TGM5: variants seen among roughly 807,000 people sequenced by gnomAD.
The protein encoded by TGM5 is protein-glutamine gamma-glutamyltransferase 5.
TGM5 carries 69 observed loss-of-function variants against 77.2 expected under a neutral mutation model. That is an observed-to-expected ratio of 0.89 (90% CI 0.74 to 1.09). The LOEUF (loss-of-function observed/expected upper bound fraction) is 1.09. TGM5 is among the 50% of genes least tolerant of loss of function. The probability of loss-of-function intolerance (pLI) is 0.00; values close to 1 mark genes in which losing one functional copy is unlikely to be tolerated. For missense variants in TGM5, 842 were observed against 896.5 expected (o/e 0.94, Z 0.78); for synonymous variants, 346 against 351.8 (o/e 0.98, Z 0.18).
intron 6 of TGM5, among the ~76,000 whole-genome samples, chr15:43,247,281 A>G (rs2042675480): frequency 6.6e-6 from 1 of 152,202 alleles, no homozygotes; most frequent in East Asian, 1.9e-4. Context: ...TCAACAGCAT[A>G]ACACAATAAA....
intron 3 of TGM5, among the ~76,000 whole-genome samples, chr15:43,258,675 G>T (rs1277237197): frequency 6.6e-6 from 1 of 152,220 alleles, no homozygotes; most frequent in East Asian, 1.9e-4. Context: ...GCCAGCAGTG[G>T]CCTGAGCTAC....
chr15:43,259,563 CTT>C, intron 3 of TGM5, among the ~76,000 whole-genome samples: 1 of 151,916 alleles, frequency 6.6e-6, no homozygotes, highest in African/African-American at 2.4e-5. Flanking sequence ...GCATAGAACA[CTT>C]TTGTAAAACT....
chr15:43,246,872 T>G (rs2042672837), intron 6 of TGM5, among the ~76,000 whole-genome samples: 1 of 152,134 alleles, frequency 6.6e-6, no homozygotes, highest in African/African-American at 2.4e-5. Flanking sequence ...AGGCATGACT[T>G]AGTAGTGGGG....
intron 1 of TGM5, 65 bp from the exon 2 acceptor site, chr15:43,260,644 T>C (rs1343429245): frequency 6.4e-7 from 1 of 1,568,112 alleles, no homozygotes; most frequent in Non-Finnish European, 8.8e-7. Context: ...GTCCACCACT[T>C]ACTAGTTCTG....
At chr15:43,249,772 G>C (rs775381306) in intron 6 of TGM5, among the ~76,000 whole-genome samples, 2 of 152,226 alleles carry the variant, frequency 1.3e-5, no homozygotes, top group Non-Finnish European at 2.9e-5. Flanking sequence ...TCAAGTAACA[G>C]GCAACTAAAT....
rs142968908 is a variant in TGM5 at position 43,253,626 on chromosome 15, G to A, written c.564C>T (p.Asp188=). ...GCTTCAGGCAGATGTCTATGATTTT[G>A]TCTTCAAACTTCGGGGGGAGAGGCA... The part of the protein sequence containing the change: ...PCPWNYGQFE[D]KIIDICLKLL... Residue 188 remains aspartate, a synonymous_variant, in exon 5 of 13, where the codon GAC becomes GAT. Coordinates refer to ENST00000220420, the MANE Select transcript of TGM5 (RefSeq NM_201631.4). 43 of 1,613,136 alleles carry A rather than the reference G, an allele frequency of 2.7e-5. No homozygotes were observed. The highest frequency in any genetic ancestry group is 1.0e-4 in the Admixed American group (6 of 60,012).
Position 43,256,553 on chromosome 15 carries a change from A to T in TGM5, c.555+15T>A. On this transcript the variant is annotated intron_variant, in intron 4 of 12. Transcript: ENST00000220420. ...CTCGGGGCCGGGATGGGCCATAAGC[A>T]GGGCTGAGACTCACCTGTCCATAGT... The T allele has an allele frequency of 2.3e-5, 37 of 1,603,126 alleles. No individual in the cohort carries two copies. Among genetic ancestry groups the T allele is most frequent in the Non-Finnish European group, 3.1e-5 (36 of 1,170,028 alleles).
rs539717880 is a variant in TGM5 at position 43,238,770 on chromosome 15, G to T, written c.1345+47C>A. ...CTCTGGCTCCCTGGGGTAGGGGAAGGTTCCTGCAGGGCTGGGGCTCTGAGT... is the reference window on the plus strand; with the variant it reads ...CTCTGGCTCCCTGGGGTAGGGGAAGTTTCCTGCAGGGCTGGGGCTCTGAGT... On this transcript the variant is annotated intron_variant, in intron 9 of 12. Transcript: ENST00000220420. The T allele has an allele frequency of 3.1e-6, 5 of 1,607,912 alleles. No homozygotes were observed. The Admixed American group carries it at 5.1e-5, about 16-fold the overall frequency.
At chr15:43,264,084 G>C (rs534240145) in intron 1 of TGM5, among the ~76,000 whole-genome samples, 18 of 152,138 alleles carry the variant, frequency 1.2e-4, no homozygotes, top group Non-Finnish European at 1.9e-4. Flanking sequence ...ATTAGTCCTA[G>C]GGAAACACAA....
At chr15:43,254,727 G>T (rs746599774) in intron 4 of TGM5, among the ~76,000 whole-genome samples, 7 of 152,064 alleles carry the variant, frequency 4.6e-5, no homozygotes, top group Non-Finnish European at 8.8e-5. Flanking sequence ...TCGTGTCTTT[G>T]CTCACACCTT....
In TGM5 at chr15:43,232,855, G is replaced by C. The variant is rs1412237266; in HGVS notation, c.*336C>G. ...AGAGTCCAGGGGAGCTGTGCAAATG[G>C]TCCAGGGAAATATCCATCCATAGAC... On this transcript the variant is annotated 3_prime_UTR_variant, in exon 13 of 13. Coordinates refer to ENST00000220420, the MANE Select transcript of TGM5 (RefSeq NM_201631.4). 1 of 342,308 alleles carries C rather than the reference G, an allele frequency of 2.9e-6. No individual in the cohort carries two copies. The highest frequency in any genetic ancestry group is 2.6e-5 in the South Asian group (1 of 39,052). 21.2% of individuals were successfully genotyped at this position (342,308 alleles called of 1,614,324 possible).
intron 1 of TGM5, among the ~76,000 whole-genome samples, chr15:43,261,094 T>G (rs1409029374): frequency 3.1e-5 from 4 of 131,002 alleles, no homozygotes; most frequent in Admixed American, 7.7e-5. Flanking sequence ...TTTTTTTTTT[T>G]TTTTTTTTTT....
Position 43,252,769 on chromosome 15 carries a change from G to A in TGM5, c.852C>T (p.Val284=), listed in dbSNP as rs1190273521. Residue 284 remains valine, a synonymous_variant, in exon 6 of 13, where the codon GTC becomes GTT. Coordinates refer to ENST00000220420, the MANE Select transcript of TGM5 (RefSeq NM_201631.4). ...CTTTCTACCTCCTACCTGTGCACAT[G>A]ACGGCAGCAAAGACCCAGCATTGCC... is the stretch of plus-strand genomic sequence containing the variant. ...RYGQCWVFAA[V]MCTVMRCLGI... is the part of the protein sequence containing the mutation. 1 of 1,613,928 alleles carries A rather than the reference G, an allele frequency of 6.2e-7. No individual in the cohort carries two copies. Among genetic ancestry groups the A allele is most frequent in the Non-Finnish European group, 8.5e-7 (1 of 1,180,034 alleles).
chr15:43,237,252 T>C (rs2042596965), intron 9 of TGM5, among the ~76,000 whole-genome samples: 1 of 152,200 alleles, frequency 6.6e-6, no homozygotes. Flanking sequence ...ACTTTTCAAA[T>C]TGCAGCCCCT....
At chr15:43,249,902 C>T (rs898755243) in intron 6 of TGM5, among the ~76,000 whole-genome samples, 14 of 152,290 alleles carry the variant, frequency 9.2e-5, no homozygotes, top group African/African-American at 3.1e-4. Context: ...GAGGCAGGGC[C>T]GTAGAGGGGA....
At chr15:43,233,923 CT>C (rs1399504924) in intron 11 of TGM5, among the ~76,000 whole-genome samples, 1 of 152,206 alleles carries the variant, frequency 6.6e-6, no homozygotes, top group Non-Finnish European at 1.5e-5. Flanking sequence ...CCCCCCTCCC[CT>C]CTCTACCAGG....
chr15:43,263,909 T>C (rs902702549), intron 1 of TGM5, among the ~76,000 whole-genome samples: 1 of 152,234 alleles, frequency 6.6e-6, no homozygotes, highest in East Asian at 1.9e-4. Context: ...TTGTAAATCC[T>C]ATATCTGGCA....
chr15:43,236,365 A>C (rs1190432786), intron 9 of TGM5, among the ~76,000 whole-genome samples: 1 of 152,212 alleles, frequency 6.6e-6, no homozygotes, highest in Non-Finnish European at 1.5e-5. Flanking sequence ...GGGAAAGGAG[A>C]AGCACAGTAA....
At chr15:43,239,593 C>A in intron 7 of TGM5, 5 of 391,908 alleles carry the variant, frequency 1.3e-5, no homozygotes, top group South Asian at 1.1e-4. Context: ...GGTGGAGGAT[C>A]ACTTGAGCCT....
Sources: allele counts gnomAD v4.1 joint callset (sites outside exome capture counted in the v4.1 genomes callset), GRCh38; gene constraint gnomAD v4.1.1; transcripts MANE v1.5; gene names NCBI Gene and HGNC (gene_info 2026-07-23, HGNC 2026-07-21).